The following POLQ variants were observed in gnomAD, a reference collection of about 807,000 sequenced individuals.
POLQ encodes the protein DNA polymerase theta.
A neutral mutation model predicts 259.2 loss-of-function variants in POLQ; 233 were observed. The observed-to-expected ratio is 0.90, with a 90% CI of 0.81 to 1.00. The LOEUF (loss-of-function observed/expected upper bound fraction) is 1.00, where lower values mean the gene tolerates loss of function less well. Among genes scored for constraint, POLQ ranks in the 50% least tolerant of loss-of-function variants. POLQ has a pLI of 0.00. For synonymous variants in POLQ, 1,025 were observed against 1,048.8 expected (o/e 0.98, Z 0.44); for missense variants, 2,871 against 3,051.6 (o/e 0.94, Z 1.39).
Position 121,488,052 on chromosome 3 carries a change from G to A in POLQ, c.4879C>T (p.His1627Tyr). Residue 1627 changes from histidine to tyrosine, a missense_variant, in exon 16 of 30, where the codon CAT becomes TAT. By Grantham distance (83) the His-to-Tyr change is moderately conservative. Around this residue, in one of 3 missense-constraint regions of POLQ, gnomAD observed 2,080 missense variants for 2,126.0 expected, o/e 0.98. Transcript: ENST00000264233. ...GATGCCCCTGACCATATGAATGAATGATTTTGCCTGGTCCCAGTTAATTTT... is the reference window on the plus strand; with the variant it reads ...GATGCCCCTGACCATATGAATGAATAATTTTGCCTGGTCCCAGTTAATTTT... ...KSKLTGTRQNHSFIWSGASFD... is the reference protein window; with the variant it reads ...KSKLTGTRQNYSFIWSGASFD... 1.2e-6 allele frequency: 2 copies of A among 1,613,980 alleles called. No individual in the cohort carries two copies. Among genetic ancestry groups the A allele is most frequent in the South Asian group, 2.2e-5 (2 of 91,064 alleles).
intron 1 of POLQ, among the ~76,000 whole-genome samples, chr3:121,545,383 A>G (rs926277898): frequency 6.6e-6 from 1 of 152,184 alleles, no homozygotes; most frequent in Non-Finnish European, 1.5e-5. Context: ...TCCAGGCCCA[A>G]CAATCCTGTC....
intron 6 of POLQ, among the ~76,000 whole-genome samples, chr3:121,532,072 G>T (rs970020317): frequency 6.6e-6 from 1 of 152,126 alleles, no homozygotes; most frequent in Non-Finnish European, 1.5e-5. Flanking sequence ...GAGTATGGGA[G>T]GGTACTTATT....
At chr3:121,542,557 C>T (rs1440587616) in intron 2 of POLQ, among the ~76,000 whole-genome samples, 1 of 152,082 alleles carries the variant, frequency 6.6e-6, no homozygotes, top group Non-Finnish European at 1.5e-5. Context: ...TATGAAAGTG[C>T]CACAAGAAAG....
At chr3:121,541,579 G>C (rs2048490472) in intron 2 of POLQ, 100 bp from the exon 3 acceptor site, 1 of 1,053,308 alleles carries the variant, frequency 9.5e-7, no homozygotes, top group Admixed American at 2.6e-5. Flanking sequence ...CAGAGCCTAA[G>C]GCTAACCAAT....
intron 27 of POLQ, among the ~76,000 whole-genome samples, chr3:121,438,883 A>C (rs2047565504): frequency 6.6e-6 from 1 of 152,206 alleles, no homozygotes; most frequent in Non-Finnish European, 1.5e-5. Context: ...AAGCAGTAAC[A>C]AAAAGCCAAC....
At chr3:121,495,329 T>C (rs2048109897) in intron 14 of POLQ, among the ~76,000 whole-genome samples, 1 of 151,882 alleles carries the variant, frequency 6.6e-6, no homozygotes, top group Non-Finnish European at 1.5e-5. Flanking sequence ...TTGGTTTAAA[T>C]ATTCAAGTGC....
At chr3:121,433,368 C>A (rs2047517298) in intron 28 of POLQ, among the ~76,000 whole-genome samples, 1 of 152,176 alleles carries the variant, frequency 6.6e-6, no homozygotes, top group African/African-American at 2.4e-5. Flanking sequence ...TGAGTAATAG[C>A]ACCAGGGAGG....
chr3:121,439,887 A>T, intron 27 of POLQ, 105 bp downstream of exon 27: 1 of 1,003,840 alleles, frequency 1.0e-6, no homozygotes, highest in Non-Finnish European at 1.5e-6. Context: ...AAATCCAATT[A>T]ATATGCCAGT....
intron 5 of POLQ, among the ~76,000 whole-genome samples, chr3:121,534,002 G>A (rs757793258): frequency 1.5e-5 from 2 of 136,500 alleles, no homozygotes; most frequent in Admixed American, 8.7e-5. Context: ...TCAGCCTCCC[G>A]AGTAGCTGGG....
At chr3:121,507,708 CAG>C (rs1207902445) in intron 12 of POLQ, among the ~76,000 whole-genome samples, 1 of 152,108 alleles carries the variant, frequency 6.6e-6, no homozygotes, top group Non-Finnish European at 1.5e-5. Flanking sequence ...GCCTGGGCAA[CAG>C]AGTGAGACTC....
chr3:121,514,710 C>A (rs575300258), intron 9 of POLQ, among the ~76,000 whole-genome samples: 136 of 152,196 alleles, frequency 8.9e-4, no homozygotes, highest in African/African-American at 3.0e-3. Flanking sequence ...GAGCTCACGG[C>A]AACCAGCATG....
chr3:121,454,297 A>G (rs2047709956), intron 25 of POLQ, among the ~76,000 whole-genome samples: 1 of 152,256 alleles, frequency 6.6e-6, no homozygotes, highest in Admixed American at 6.5e-5. Context: ...TGTAAAGACC[A>G]TTGAGGCTAG....
rs772167718 is a variant in POLQ, at chr3:121,472,004, G to A, written c.6704C>T (p.Ser2235Leu). 23 of 1,516,384 alleles carry A rather than the reference G, an allele frequency of 1.5e-5. No individual in the cohort carries two copies. Among genetic ancestry groups the A allele is most frequent in the Non-Finnish European group, 4.5e-6 (5 of 1,116,122 alleles). The allele number at this position is 1,516,384 out of a possible 1,614,324, so 93.9% of individuals were successfully genotyped here. ...TTTCTCATCACCTGTAGCAGTGTGC[G>A]ACTGTGATACAGGATAGATTCTTTC... ...GMERIYPVSQSHTATGRITFT... is the reference protein window; with the variant it reads ...GMERIYPVSQLHTATGRITFT... The change falls in exon 22 of 30, where the codon TCG becomes TTG. Residue 2235 changes from serine to leucine, a missense_variant. This residue lies in a region of POLQ where 2,080 missense variants were observed against 2,126.0 expected (regional missense o/e 0.98). Coordinates refer to ENST00000264233, the MANE Select transcript of POLQ (RefSeq NM_199420.4).
rs745627445 is a variant in POLQ at position 121,509,586 on chromosome 3, T to C, written c.1934A>G (p.Glu645Gly). ...CAGATAGAGAATATGAAGATCATTC[T>C]CTAAAACAAAGCCCTTCATTGCTCT... is the stretch of plus-strand genomic sequence containing the variant. Reference protein sequence around the residue: ...LQRAMKGFVLENDLHILYLVT... With the variant: ...LQRAMKGFVLGNDLHILYLVT... The change falls in exon 12 of 30, where the codon GAG (glutamate) becomes GGG (glycine). Residue 645 changes from glutamate to glycine, a missense_variant. Around this residue, in one of 3 missense-constraint regions of POLQ, gnomAD observed 783 missense variants for 906.2 expected, o/e 0.86. Coordinates refer to ENST00000264233, the MANE Select transcript of POLQ (RefSeq NM_199420.4). 1 of 1,613,474 alleles carries C rather than the reference T, an allele frequency of 6.2e-7. No homozygotes were observed. The highest frequency in any genetic ancestry group is 2.2e-5 in the East Asian group (1 of 44,854).
intron 7 of POLQ, among the ~76,000 whole-genome samples, chr3:121,526,875 A>G (rs75991132): frequency 0.47 from 70,612 of 148,810 alleles, 17,057 homozygotes; most frequent in East Asian, 0.73. Context: ...GTGTCTCTGT[A>G]TGTGTGTGTG....
intron 9 of POLQ, among the ~76,000 whole-genome samples, chr3:121,515,320 G>A (rs1264719945): frequency 6.6e-6 from 1 of 152,122 alleles, no homozygotes; most frequent in Non-Finnish European, 1.5e-5. Context: ...GAGCCACCAT[G>A]CTCAATCATG....
intron 20 of POLQ, among the ~76,000 whole-genome samples, chr3:121,475,998 T>C (rs1354662928): frequency 2.0e-5 from 3 of 151,874 alleles, no homozygotes; most frequent in East Asian, 3.9e-4. Flanking sequence ...GAAACCAAGT[T>C]CCTCATTTTC....
rs1160784227 is a variant in POLQ, at chr3:121,457,723, C to A, written c.7152+2327G>T. 7.2e-5 allele frequency among the ~76,000 whole-genome samples: 11 copies of A among 152,210 alleles called. No homozygotes were observed. In the East Asian group the frequency reaches 1.7e-3, roughly 24 times the overall value. On this transcript the variant is annotated intron_variant, in intron 25 of 29. Transcript: ENST00000264233. ...CCAGTTAGAATGGCAATCATTAAAA[C>A]GTCAGGAAACAACAGGTGCTGGAGA...
chr3:121,469,293 T>C (rs2047864884), intron 22 of POLQ, among the ~76,000 whole-genome samples: 1 of 152,192 alleles, frequency 6.6e-6, no homozygotes, highest in South Asian at 2.1e-4. Flanking sequence ...ACATGTTAAG[T>C]ATCACTCCAA....
Sources: gnomAD v4.1 joint callset for allele counts (sites outside exome capture counted in the v4.1 genomes callset) on GRCh38, gnomAD v4.1.1 for gene constraint, gnomAD v4.1.1 regional missense constraint, MANE v1.5 for transcripts, NCBI Gene and HGNC (gene_info 2026-07-23, HGNC 2026-07-21) for gene names.